Variants in ASPH observed in about 807,000 individuals in gnomAD.
The protein encoded by ASPH is aspartate beta-hydroxylase.
ASPH carries 100 observed loss-of-function variants against 118.4 expected under a neutral mutation model. The ratio of observed to expected loss-of-function variants is 0.84; its 90% CI spans 0.72 to 1.00. The LOEUF (loss-of-function observed/expected upper bound fraction) is 1.00, where lower values mean the gene tolerates loss of function less well. ASPH is among the 50% of genes least tolerant of loss of function. The pLI, the probability that ASPH is intolerant of heterozygous loss-of-function variation, is 0.00. For missense variants in ASPH, 920 were observed against 919.5 expected, an observed-to-expected ratio of 1.00 and a Z score of -0.01; for synonymous variants, 315 against 325.6, an observed-to-expected ratio of 0.97 and a Z score of 0.35.
intron 16 of ASPH, among the ~76,000 whole-genome samples, chr8:61,574,651 G>A (rs1222591587): frequency 2.6e-5 from 4 of 152,130 alleles, no homozygotes; most frequent in African/African-American, 9.7e-5. Flanking sequence ...TGAACAATGA[G>A]AACACATGGA....
intron 3 of ASPH, among the ~76,000 whole-genome samples, chr8:61,672,075 A>G (rs1822840418): frequency 6.6e-6 from 1 of 152,222 alleles, no homozygotes; most frequent in Non-Finnish European, 1.5e-5. Context: ...TCATTTCAAC[A>G]TTGACTACAA....
At chr8:61,559,012 C>T (rs1300696489) in intron 18 of ASPH, among the ~76,000 whole-genome samples, 4 of 152,044 alleles carry the variant, frequency 2.6e-5, no homozygotes, top group Non-Finnish European at 5.9e-5. Flanking sequence ...TTTTCTCTTC[C>T]TTATGGCTTT....
intron 1 of ASPH, among the ~76,000 whole-genome samples, chr8:61,703,842 G>A (rs1304120410): frequency 6.6e-6 from 1 of 152,098 alleles, no homozygotes; most frequent in Non-Finnish European, 1.5e-5. Context: ...AACAAAGTAG[G>A]AGGATTTACA....
chr8:61,585,042 C>G (rs1207021350), intron 14 of ASPH, among the ~76,000 whole-genome samples: 1 of 152,238 alleles, frequency 6.6e-6, no homozygotes, highest in African/African-American at 2.4e-5. Context: ...TTGTTATAAT[C>G]CTTCACGCGC....
At chr8:61,625,487 T>C in intron 13 of ASPH, 3 of 985,310 alleles carry the variant, frequency 3.0e-6, no homozygotes, top group Non-Finnish European at 3.6e-6. Flanking sequence ...GAAGAGACTA[T>C]AGCTATTATA....
chr8:61,669,804 C>T (rs75999998), intron 3 of ASPH, among the ~76,000 whole-genome samples: 1 of 152,116 alleles, frequency 6.6e-6, no homozygotes, highest in African/African-American at 2.4e-5. Context: ...CTCCCTACCC[C>T]CACTGTTATG....
rs1055927429 is a variant in ASPH at position 61,714,444 on chromosome 8, AACCGCTGGCGGCGGCGG to A, written c.-90_-74del. On this transcript the variant is annotated 5_prime_UTR_variant, in exon 1 of 25. Transcript: ENST00000379454. The stretch of plus-strand genomic sequence containing the variant: ...CGCGGGGGTACACACGCGACGCGGG[AACCGCTGGCGGCGGCGG>A]GCCGCTGGAGCGGGTTCGGGCCGCT... The A allele has an allele frequency of 1.8e-4, 242 of 1,367,108 alleles. No homozygotes were observed. Among genetic ancestry groups the A allele is most frequent in the African/African-American group, 1.3e-3 (88 of 65,540 alleles). 84.7% of individuals were successfully genotyped at this position (1,367,108 alleles called of 1,614,324 possible).
At chr8:61,603,900 AG>A (rs1461752778) in intron 14 of ASPH, among the ~76,000 whole-genome samples, 1 of 152,256 alleles carries the variant, frequency 6.6e-6, no homozygotes, top group Non-Finnish European at 1.5e-5. Context: ...CTGACTCTTG[AG>A]GCACAGATCT....
At chr8:61,664,197 A>G (rs534017281) in intron 3 of ASPH, 5 of 969,266 alleles carry the variant, frequency 5.2e-6, no homozygotes, top group East Asian at 2.3e-4. Context: ...CTTCACTTTT[A>G]TATTAAATGT....
intron 14 of ASPH, among the ~76,000 whole-genome samples, chr8:61,599,441 C>A: frequency 1.4e-5 from 2 of 140,724 alleles, no homozygotes; most frequent in South Asian, 2.2e-4. Flanking sequence ...GCACGTTGTG[C>A]ACATGTACCC....
intron 24 of ASPH, among the ~76,000 whole-genome samples, chr8:61,508,714 A>G (rs531752036): frequency 6.6e-6 from 1 of 152,236 alleles, no homozygotes; most frequent in Non-Finnish European, 1.5e-5. Flanking sequence ...CAGAAGCAGA[A>G]AGTCATTACA....
chr8:61,650,995 C>T, intron 5 of ASPH, 55 bp downstream of exon 5: 1 of 1,485,976 alleles, frequency 6.7e-7, no homozygotes, highest in Non-Finnish European at 9.2e-7. Flanking sequence ...AGTCATTTTA[C>T]ATAACTAAGC....
At chr8:61,709,287 A>T (rs1282009310) in intron 1 of ASPH, among the ~76,000 whole-genome samples, 1 of 152,204 alleles carries the variant, frequency 6.6e-6, no homozygotes, top group Non-Finnish European at 1.5e-5. Flanking sequence ...AAAAATAATG[A>T]CTAACAAGAA....
chr8:61,684,170 T>C lies in ASPH; in HGVS notation c.122A>G (p.His41Arg). 6.2e-7 allele frequency: 1 copy of C among 1,613,116 alleles called. No individual in the cohort carries two copies. Among genetic ancestry groups the C allele is most frequent in the Non-Finnish European group, 8.5e-7 (1 of 1,179,478 alleles). Residue 41 changes from histidine (H) to arginine (R), a missense_variant, in exon 2 of 25, where the codon CAC becomes CGC. Coordinates refer to ENST00000379454, the MANE Select transcript of ASPH (RefSeq NM_004318.4). ...GAGTCCGCCTTTCCTCCCATTCTTG[T>C]GTCCTCCATGCTTTGTCTCTGTTTA... Reference protein sequence around the residue: ...GARRETKHGGHKNGRKGGLSG... With the variant: ...GARRETKHGGRKNGRKGGLSG...
rs188308238 is a variant in ASPH, at chr8:61,594,287, G to A, written c.977-10258C>T. 7.3e-4 allele frequency among the ~76,000 whole-genome samples: 111 copies of A among 152,236 alleles called. 1 individual carries two copies. The highest frequency in any genetic ancestry group is 3.1e-3 in the East Asian group (16 of 5,186). On this transcript the variant is annotated intron_variant, in intron 14 of 24. Coordinates refer to ENST00000379454, the MANE Select transcript of ASPH (RefSeq NM_004318.4). ...TAAAATGCTTTAGAAAATATCACCC[G>A]AATTTATTAATTTTGCTTAAATGAT...
intron 3 of ASPH, among the ~76,000 whole-genome samples, chr8:61,671,839 C>T (rs1260029272): frequency 6.6e-6 from 1 of 152,206 alleles, no homozygotes; most frequent in Non-Finnish European, 1.5e-5. Flanking sequence ...ACCATTAAGC[C>T]AATGGATAGA....
At chr8:61,624,560 C>T in intron 13 of ASPH, 1 of 975,744 alleles carries the variant, frequency 1.0e-6, no homozygotes, top group Non-Finnish European at 1.2e-6. Flanking sequence ...TATTTTATTG[C>T]ACTCAACATT....
intron 2 of ASPH, among the ~76,000 whole-genome samples, chr8:61,682,978 A>T (rs1430884331): frequency 6.6e-6 from 1 of 152,136 alleles, no homozygotes; most frequent in African/African-American, 2.4e-5. Flanking sequence ...CATCACTGAT[A>T]AACAGATAAC....
intron 14 of ASPH, chr8:61,606,731 AT>A (rs2133732986): frequency 6.6e-6 from 1 of 152,374 alleles, no homozygotes; most frequent in Admixed American, 6.5e-5. Context: ...TTAGAAAAAA[AT>A]GAATTATGAT....
Sources: allele counts gnomAD v4.1 joint callset (sites outside exome capture counted in the v4.1 genomes callset), GRCh38; gene constraint gnomAD v4.1.1; transcripts MANE v1.5; gene names NCBI Gene and HGNC (gene_info 2026-07-23, HGNC 2026-07-21).